GKAP1: variants seen among roughly 807,000 people sequenced by gnomAD.
The protein encoded by GKAP1 is G kinase anchoring protein 1, also known as G kinase-anchoring protein 1.
Under a neutral mutation model 56.7 loss-of-function variants are expected in GKAP1, and 31 were observed. That is an observed-to-expected ratio of 0.55 (90% confidence interval 0.41 to 0.74). The LOEUF (loss-of-function observed/expected upper bound fraction) is 0.74, where lower values mean the gene tolerates loss of function less well. Among genes scored for constraint, GKAP1 ranks in the 30% least tolerant of loss-of-function variants. GKAP1 has a pLI of 0.00. For missense variants in GKAP1, 364 were observed against 402.3 expected, an observed-to-expected ratio of 0.90 and a Z score of 0.82; for synonymous variants, 151 against 138.6, an observed-to-expected ratio of 1.09 and a Z score of -0.63.
chr9:83,775,874 CAAAAAAAA>C (rs55669011), intron 7 of GKAP1, among the ~76,000 whole-genome samples: 45 of 43,712 alleles, frequency 1.0e-3, no homozygotes, highest in African/African-American at 2.8e-3. Flanking sequence ...GACTCTGTCT[CAAAAAAAA>C]AAAAAAAAAA....
intron 4 of GKAP1, among the ~76,000 whole-genome samples, chr9:83,793,938 A>G (rs528674553): frequency 6.6e-6 from 1 of 152,238 alleles, no homozygotes; most frequent in Admixed American, 6.5e-5. Flanking sequence ...AAGCTGAGGT[A>G]TGTGGACTGC....
chr9:83,766,876 A>G (rs1325256733), intron 8 of GKAP1, among the ~76,000 whole-genome samples: 2 of 151,956 alleles, frequency 1.3e-5, no homozygotes, highest in East Asian at 1.9e-4. Context: ...GAATTAAAAC[A>G]GGCAAGGCAG....
chr9:83,775,449 G>A (rs1053400638), intron 7 of GKAP1, among the ~76,000 whole-genome samples: 4 of 152,008 alleles, frequency 2.6e-5, no homozygotes, highest in East Asian at 3.8e-4. Flanking sequence ...CTATGACCCC[G>A]ATGTGATATG....
At chr9:83,801,673 G>A (rs926759006) in intron 3 of GKAP1, among the ~76,000 whole-genome samples, 5 of 152,184 alleles carry the variant, frequency 3.3e-5, no homozygotes, top group African/African-American at 1.2e-4. Context: ...ACTGCAAATG[G>A]CTGAAGTGGA....
At chr9:83,806,667 G>T in intron 2 of GKAP1, 107 bp from the exon 3 acceptor site, 1 of 635,338 alleles carries the variant, frequency 1.6e-6, no homozygotes. Context: ...TCTGACACTG[G>T]ATTTAGTAAA....
At chr9:83,792,987 C>T (rs1251025294) in intron 4 of GKAP1, 19 of 1,279,760 alleles carry the variant, frequency 1.5e-5, no homozygotes, top group Non-Finnish European at 1.7e-5. Flanking sequence ...TCCCCTTCCT[C>T]TTGACTTCCT....
intron 8 of GKAP1, among the ~76,000 whole-genome samples, chr9:83,755,799 CTTTTTTT>C (rs34145592): frequency 3.2e-4 from 40 of 124,442 alleles, no homozygotes; most frequent in African/African-American, 1.2e-3. Flanking sequence ...CAAACTGGTA[CTTTTTTT>C]TTTTTTTTTT....
rs1269778397 is a variant in GKAP1, at chr9:83,778,796, T to C, written c.585+1586A>G. 2.0e-5 allele frequency among the ~76,000 whole-genome samples: 3 copies of C among 151,088 alleles called. No homozygotes were observed. The East Asian group carries it at 5.8e-4, about 29-fold the overall frequency. On this transcript the variant is annotated intron_variant, in intron 7 of 12. Coordinates refer to ENST00000376371, the MANE Select transcript of GKAP1 (RefSeq NM_025211.4). Reference sequence around the variant, plus strand: ...AGGGAAATAAATCATAATTAGACTGTATTTACAAATGTGGAACTTAATCAG... The same window carrying C: ...AGGGAAATAAATCATAATTAGACTGCATTTACAAATGTGGAACTTAATCAG...
chr9:83,753,188 A>G, intron 9 of GKAP1, 70 bp downstream of exon 9: 1 of 855,720 alleles, frequency 1.2e-6, no homozygotes, highest in Non-Finnish European at 1.9e-6. Flanking sequence ...ACATATTTAC[A>G]TATAAGAAAA....
intron 8 of GKAP1, among the ~76,000 whole-genome samples, chr9:83,765,050 T>C (rs1194662196): frequency 6.6e-6 from 1 of 152,132 alleles, no homozygotes; most frequent in African/African-American, 2.4e-5. Context: ...GCCCCTCCCA[T>C]CATAGGTCTG....
In GKAP1 at chr9:83,792,454, T is replaced by A. The variant is rs528042640; in HGVS notation, c.361-3776A>T. Among the ~76,000 whole-genome samples, 4 of 152,330 alleles carry A rather than the reference T, an allele frequency of 2.6e-5. No individual in the cohort carries two copies. In the South Asian group the frequency reaches 8.3e-4, roughly 32 times the overall value. ...ATCAATGTGTCTGACTAAGCCATTG[T>A]AATCTCAGACAGCATATGGGCACCT... On this transcript the variant is annotated intron_variant, in intron 4 of 12. Coordinates refer to ENST00000376371, the MANE Select transcript of GKAP1 (RefSeq NM_025211.4).
intron 7 of GKAP1, among the ~76,000 whole-genome samples, chr9:83,778,807 G>A (rs1943905081): frequency 6.6e-6 from 1 of 150,988 alleles, no homozygotes; most frequent in Non-Finnish European, 1.5e-5. Flanking sequence ...ATTTACAAAT[G>A]TGGAACTTAA....
At position 83,767,581 on chromosome 9, in the gene GKAP1, C is replaced by T. The variant is rs567299937; in HGVS notation, c.738+1237G>A. On this transcript the variant is annotated intron_variant, in intron 8 of 12. Transcript: ENST00000376371. Reference sequence around the variant, plus strand: ...TTCACCATGTTGGCCAGGCTGGTCTCGAACTCCTGACCTCAAGTGATTCGC... The same window carrying T: ...TTCACCATGTTGGCCAGGCTGGTCTTGAACTCCTGACCTCAAGTGATTCGC... Among the ~76,000 whole-genome samples, 23 of 151,536 alleles carry T rather than the reference C, an allele frequency of 1.5e-4. No individual in the cohort carries two copies. In the South Asian group the frequency reaches 4.8e-3, roughly 32 times the overall value.
chr9:83,772,471 T>C (rs1943779227), intron 7 of GKAP1, among the ~76,000 whole-genome samples: 1 of 152,100 alleles, frequency 6.6e-6, no homozygotes, highest in Non-Finnish European at 1.5e-5. Flanking sequence ...CTAGAATAAA[T>C]CATCATGACT....
intron 3 of GKAP1, among the ~76,000 whole-genome samples, chr9:83,804,628 G>C (rs1205978579): frequency 7.2e-6 from 1 of 139,534 alleles, no homozygotes; most frequent in Non-Finnish European, 1.6e-5. Flanking sequence ...AGGTGGGGGG[G>C]GTCAGCCCCC....
chr9:83,783,211 G>T (rs1017765104), intron 6 of GKAP1, among the ~76,000 whole-genome samples: 5 of 152,068 alleles, frequency 3.3e-5, no homozygotes, highest in African/African-American at 1.2e-4. Context: ...ATGTACTAAG[G>T]CTGAATTCAT....
At position 83,812,658 on chromosome 9, in the gene GKAP1, T is replaced by TA. The variant is rs199726971; in HGVS notation, c.-44+4337dup. Among the ~76,000 whole-genome samples the TA allele has an allele frequency of 7.9e-3, 1,119 of 141,240 alleles. 16 individuals carry two copies. Among genetic ancestry groups the TA allele is most frequent in the African/African-American group, 0.026 (981 of 38,358 alleles). The allele number at this position is 141,240 out of a possible 152,430, so 92.7% of individuals were successfully genotyped here. A position where few individuals can be genotyped will look rare whatever the true frequency, so the allele number is the denominator to read the frequency against. ...CCCGGCTCTACAATGATATTAGTTC[T>TA]AAAAAAAAAAAAGAAAAACAACCTC... On this transcript the variant is annotated intron_variant, in intron 2 of 12. Transcript: ENST00000376371.
Position 83,758,744 on chromosome 9 carries a change from CA to C in GKAP1, c.739-5386del, listed in dbSNP as rs774728066. Reference sequence around the variant, plus strand: ...AGCCAGGTGACAGAGACTCCATCTCCAAAAAAAAAAAAAACTGAATGACAGA... The same window carrying C: ...AGCCAGGTGACAGAGACTCCATCTCCAAAAAAAAAAAAACTGAATGACAGA... On this transcript the variant is annotated intron_variant, in intron 8 of 12. Coordinates refer to ENST00000376371, the MANE Select transcript of GKAP1 (RefSeq NM_025211.4). 1.2e-3 allele frequency among the ~76,000 whole-genome samples: 143 copies of C among 121,288 alleles called. 1 individual carries two copies. The highest frequency in any genetic ancestry group is 7.1e-3 in the Admixed American group (86 of 12,034). The allele number at this position is 121,288 out of a possible 152,430, so 79.6% of individuals were successfully genotyped here.
intron 7 of GKAP1, among the ~76,000 whole-genome samples, chr9:83,772,425 C>G (rs1268194638): frequency 6.6e-6 from 1 of 152,142 alleles, no homozygotes; most frequent in Non-Finnish European, 1.5e-5. Flanking sequence ...ATATGGATCA[C>G]AGACTCTTAA....
Sources: allele counts gnomAD v4.1 joint callset (sites outside exome capture counted in the v4.1 genomes callset), GRCh38; gene constraint gnomAD v4.1.1; transcripts MANE v1.5; gene names NCBI Gene and HGNC (gene_info 2026-07-23, HGNC 2026-07-21).